CEP57L1: variants seen among roughly 807,000 people sequenced by gnomAD.
The protein encoded by CEP57L1 is centrosomal protein 57 like 1.
In CEP57L1, 37 loss-of-function variants were observed where a neutral mutation model predicts 61.0. That is an observed-to-expected ratio of 0.61 (90% CI 0.47 to 0.80). The LOEUF (loss-of-function observed/expected upper bound fraction) is 0.80, where lower values mean the gene tolerates loss of function less well. Ranked by LOEUF, CEP57L1 falls within the 30% of genes least tolerant of loss-of-function variation. CEP57L1 has a pLI of 0.00. For synonymous variants in CEP57L1, 137 were observed against 162.3 expected (o/e 0.84, Z 1.19); for missense variants, 422 against 524.7 (o/e 0.80, Z 1.91).
intron 1 of CEP57L1, among the ~76,000 whole-genome samples, chr6:109,113,648 A>G (rs757648726): frequency 3.3e-5 from 5 of 152,216 alleles, no homozygotes; most frequent in Non-Finnish European, 7.3e-5. Context: ...AACTGCTGCC[A>G]AATATAGTTT....
Position 109,100,033 on chromosome 6 carries a change from A to G in CEP57L1, c.-4+4458A>G, listed in dbSNP as rs112381079. Among the ~76,000 whole-genome samples the G allele has an allele frequency of 3.4e-3, 518 of 152,250 alleles. 1 individual carries two copies. The highest frequency in any genetic ancestry group is 0.01 in the African/African-American group (418 of 41,552). ...AAATACTCTTCTTGTAAATAGACCT[A>G]TTGCACCGTAAACCTTGAGTTGCTC... On this transcript the variant is annotated intron_variant, in intron 1 of 10. Transcript: ENST00000517392.
chr6:109,159,325 T>A lies in CEP57L1; in HGVS notation c.879T>A (p.Thr293=). The A allele has an allele frequency of 6.2e-7, 1 of 1,614,118 alleles. No individual in the cohort carries two copies. The highest frequency in any genetic ancestry group is 8.5e-7 in the Non-Finnish European group (1 of 1,179,968). Residue 293 remains threonine (T), a synonymous_variant, in exon 9 of 11, where the codon ACT becomes ACA. Transcript: ENST00000517392. The part of the protein sequence containing the change: ...ILQKPFNVTE[T]RCLPKPSRTT... Reference sequence around the variant, plus strand: ...AGAAACCTTTTAACGTGACTGAGACTAGATGTCTCCCCAAGCCTTCTAGAA... The same window carrying A: ...AGAAACCTTTTAACGTGACTGAGACAAGATGTCTCCCCAAGCCTTCTAGAA...
At chr6:109,160,321 A>G (rs1024783431) in intron 9 of CEP57L1, among the ~76,000 whole-genome samples, 2 of 152,232 alleles carry the variant, frequency 1.3e-5, no homozygotes, top group Non-Finnish European at 2.9e-5. Context: ...AGCTATGAGC[A>G]TCAGGAATTC....
intron 2 of CEP57L1, 114 bp downstream of exon 2, chr6:109,145,495 G>A (rs1024859051): frequency 1.0e-5 from 7 of 692,588 alleles, no homozygotes; most frequent in Non-Finnish European, 1.6e-5. Context: ...TCCTAACTTT[G>A]ATTCTGTTGC....
intron 1 of CEP57L1, among the ~76,000 whole-genome samples, chr6:109,102,800 A>C (rs1240405250): frequency 6.6e-6 from 1 of 152,214 alleles, no homozygotes; most frequent in African/African-American, 2.4e-5. Flanking sequence ...CTGTACAACT[A>C]TATTGGTGCC....
intron 1 of CEP57L1, among the ~76,000 whole-genome samples, chr6:109,107,309 C>A (rs1286406796): frequency 6.6e-6 from 1 of 151,924 alleles, no homozygotes; most frequent in Non-Finnish European, 1.5e-5. Flanking sequence ...TTGAGCTTGG[C>A]TATATATTTT....
chr6:109,112,014 G>A (rs1032413693), intron 1 of CEP57L1, among the ~76,000 whole-genome samples: 1 of 152,170 alleles, frequency 6.6e-6, no homozygotes, highest in Non-Finnish European at 1.5e-5. Flanking sequence ...GCCAGGTTTT[G>A]GTATCAGGAT....
At chr6:109,119,520 T>C in intron 1 of CEP57L1, among the ~76,000 whole-genome samples, 1 of 152,174 alleles carries the variant, frequency 6.6e-6, no homozygotes, top group East Asian at 1.9e-4. Context: ...GAAGAAAAAC[T>C]GTTTTGAGGC....
chr6:109,163,834 T>G lies in CEP57L1; in HGVS notation c.*864T>G, dbSNP rs570816654. 6.6e-6 allele frequency: 1 copy of G among 152,262 alleles called. No homozygotes were observed. The highest frequency in any genetic ancestry group is 1.5e-5 in the Non-Finnish European group (1 of 68,010). 9.4% of individuals were successfully genotyped at this position (152,262 alleles called of 1,614,324 possible). A position where few individuals can be genotyped will look rare whatever the true frequency, so the allele number is the denominator to read the frequency against. On this transcript the variant is annotated 3_prime_UTR_variant, in exon 11 of 11. Coordinates refer to ENST00000517392, the MANE Select transcript of CEP57L1 (RefSeq NM_001271852.3). The stretch of plus-strand genomic sequence containing the variant: ...TAGTATGGTATATTTTTATTTTTTA[T>G]ATTTTAAAATCAATAATGTCAAATG...
intron 1 of CEP57L1, among the ~76,000 whole-genome samples, chr6:109,144,233 G>A (rs1771724297): frequency 1.3e-5 from 2 of 152,094 alleles, no homozygotes; most frequent in South Asian, 4.1e-4. Flanking sequence ...TGCCCTTCCA[G>A]AAAATACTAT....
intron 1 of CEP57L1, among the ~76,000 whole-genome samples, chr6:109,128,866 C>T (rs998702830): frequency 2.0e-5 from 3 of 152,026 alleles, no homozygotes; most frequent in African/African-American, 7.2e-5. Context: ...TCTGGTAAGC[C>T]TTGGTTAGAT....
At position 109,171,964 on chromosome 6, in the gene CEP57L1, G is replaced by C. The variant is rs533649751; in HGVS notation, c.*8994G>C. Among the ~76,000 whole-genome samples the C allele has an allele frequency of 5.3e-5, 8 of 152,080 alleles. No individual in the cohort carries two copies. The highest frequency in any genetic ancestry group is 1.7e-4 in the African/African-American group (7 of 41,408). ...TAACCTTACCTCAGTGTTTTATCTC[G>C]GGTGGTCCCCAAGACCACCTTCAGG... On this transcript the variant is annotated 3_prime_UTR_variant, in exon 11 of 11. Coordinates refer to ENST00000517392, the MANE Select transcript of CEP57L1 (RefSeq NM_001271852.3).
intron 1 of CEP57L1, among the ~76,000 whole-genome samples, chr6:109,142,950 T>TCTCG (rs1771558710): frequency 8.4e-5 from 1 of 11,930 alleles, no homozygotes; most frequent in South Asian, 4.1e-3. Flanking sequence ...TCTCTTGCTC[T>TCTCG]CTCTCTCTCT....
At chr6:109,151,525 A>C (rs1033856040) in intron 4 of CEP57L1, among the ~76,000 whole-genome samples, 1 of 152,118 alleles carries the variant, frequency 6.6e-6, no homozygotes, top group Non-Finnish European at 1.5e-5. Context: ...TGCATTTGTC[A>C]TACAACCCAC....
intron 1 of CEP57L1, among the ~76,000 whole-genome samples, chr6:109,106,911 A>G (rs1186649067): frequency 1.3e-5 from 2 of 152,320 alleles, no homozygotes; most frequent in East Asian, 1.9e-4. Flanking sequence ...CTTCACTCCA[A>G]CTTAGGTGAC....
intron 1 of CEP57L1, among the ~76,000 whole-genome samples, chr6:109,124,360 C>T (rs1773310334): frequency 6.6e-6 from 1 of 152,172 alleles, no homozygotes; most frequent in Non-Finnish European, 1.5e-5. Context: ...TTTAGTAAAT[C>T]ACTCAGAGTA....
At chr6:109,124,130 G>A (rs1408854889) in intron 1 of CEP57L1, among the ~76,000 whole-genome samples, 2 of 151,838 alleles carry the variant, frequency 1.3e-5, no homozygotes, top group Non-Finnish European at 2.9e-5. Flanking sequence ...TAGAGCTCTG[G>A]AATAGCCTCC....
At chr6:109,099,849 TG>T (rs1782167107) in intron 1 of CEP57L1, among the ~76,000 whole-genome samples, 1 of 152,106 alleles carries the variant, frequency 6.6e-6, no homozygotes, top group Non-Finnish European at 1.5e-5. Context: ...TGCCCAACAA[TG>T]GGTACTTTTA....
In CEP57L1 at chr6:109,171,781, T is replaced by C. The variant is rs531018833; in HGVS notation, c.*8811T>C. On this transcript the variant is annotated 3_prime_UTR_variant, in exon 11 of 11. Transcript: ENST00000517392. ...TTATTCTTTTCATGGTGGAAAACAG[T>C]TTCCTCAGATAATCATCATATCAGA... 1.1e-4 allele frequency among the ~76,000 whole-genome samples: 16 copies of C among 152,338 alleles called. No homozygotes were observed. Among genetic ancestry groups the C allele is most frequent in the African/African-American group, 3.8e-4 (16 of 41,586 alleles).
Sources: allele counts gnomAD v4.1 joint callset (sites outside exome capture counted in the v4.1 genomes callset), GRCh38; gene constraint gnomAD v4.1.1; transcripts MANE v1.5; gene names NCBI Gene and HGNC (gene_info 2026-07-23, HGNC 2026-07-21).